Variants in CTNNAL1 observed in about 807,000 individuals in gnomAD.
CTNNAL1 encodes the protein alpha-catulin.
A neutral mutation model predicts 93.6 loss-of-function variants in CTNNAL1; 69 were observed. The observed-to-expected ratio is 0.74, with a 90% confidence interval of 0.61 to 0.90. The LOEUF (loss-of-function observed/expected upper bound fraction) is 0.90. CTNNAL1 is among the 40% of genes least tolerant of loss of function. The pLI, the probability that CTNNAL1 is intolerant of heterozygous loss-of-function variation, is 0.00. For synonymous variants in CTNNAL1, 286 were observed against 305.4 expected, an observed-to-expected ratio of 0.94 and a Z score of 0.66; for missense variants, 836 against 862.0, an observed-to-expected ratio of 0.97 and a Z score of 0.38.
chr9:109,010,586 TATC>T lies in CTNNAL1; in HGVS notation c.141+2713_141+2715del, dbSNP rs574655921. Among the ~76,000 whole-genome samples, 1,212 of 152,376 alleles carry T rather than the reference TATC, an allele frequency of 8.0e-3. 6 individuals carry two copies. The highest frequency in any genetic ancestry group is 0.027 in the South Asian group (131 of 4,830). On this transcript the variant is annotated intron_variant, in intron 1 of 18. Coordinates refer to ENST00000325551, the MANE Select transcript of CTNNAL1 (RefSeq NM_003798.4). Reference sequence around the variant, plus strand: ...TAACACTAGTTCCCTAAGTGCTTCTTATCATTATTAGAAGCTGAATTTAGTTGA... The same window carrying T: ...TAACACTAGTTCCCTAAGTGCTTCTTATTATTAGAAGCTGAATTTAGTTGA...
In CTNNAL1 at chr9:108,979,459, T is replaced by C; in HGVS notation, c.923A>G (p.Glu308Gly). ...CTCTTTGGACTGAAAATAAAGATTCTCCCGAAGAGCTTCAATATTCATCTG... is the reference window on the plus strand; with the variant it reads ...CTCTTTGGACTGAAAATAAAGATTCCCCCGAAGAGCTTCAATATTCATCTG... ...EFKMNIEALR[E>G]NLYFQSKENL... The change falls in exon 7 of 19, where the codon GAG becomes GGG. Residue 308 changes from glutamate to glycine, a missense_variant. By Grantham distance (98) the Glu-to-Gly change is moderately conservative. Coordinates refer to ENST00000325551, the MANE Select transcript of CTNNAL1 (RefSeq NM_003798.4). 1 of 1,614,036 alleles carries C rather than the reference T, an allele frequency of 6.2e-7. No homozygotes were observed. The highest frequency in any genetic ancestry group is 8.5e-7 in the Non-Finnish European group (1 of 1,179,970).
intron 8 of CTNNAL1, 32 bp from the exon 9 acceptor site, chr9:108,972,865 A>AGAAG: frequency 1.4e-5 from 3 of 219,282 alleles, no homozygotes; most frequent in Non-Finnish European, 1.9e-5. Context: ...GGGGGGTGGG[A>AGAAG]GGGTGGAGAA....
At chr9:108,980,180 T>A (rs560703385) in intron 6 of CTNNAL1, among the ~76,000 whole-genome samples, 1 of 152,330 alleles carries the variant, frequency 6.6e-6, no homozygotes, top group African/African-American at 2.4e-5. Flanking sequence ...CTTTATATAC[T>A]TCTCTAACAG....
intron 1 of CTNNAL1, among the ~76,000 whole-genome samples, chr9:109,004,258 G>A (rs529627126): frequency 1.4e-4 from 21 of 152,194 alleles, no homozygotes; most frequent in African/African-American, 4.3e-4. Context: ...TCTAGAGACC[G>A]TACTCCTAAA....
At chr9:109,007,993 A>G (rs1587998333) in intron 1 of CTNNAL1, among the ~76,000 whole-genome samples, 1 of 151,860 alleles carries the variant, frequency 6.6e-6, no homozygotes, top group Non-Finnish European at 1.5e-5. Flanking sequence ...ATCCCCATTG[A>G]TAATTATAGC....
At chr9:108,986,507 C>T (rs1436533155) in intron 4 of CTNNAL1, among the ~76,000 whole-genome samples, 2 of 151,640 alleles carry the variant, frequency 1.3e-5, no homozygotes, top group African/African-American at 2.4e-5. Context: ...TGTGTCTTTA[C>T]AGCAGCATGA....
At chr9:108,965,277 G>A in intron 11 of CTNNAL1, 101 bp downstream of exon 11, 1 of 990,344 alleles carries the variant, frequency 1.0e-6, no homozygotes, top group Non-Finnish European at 1.4e-6. Context: ...ACCCAGCTGG[G>A]TTACGACAAG....
intron 3 of CTNNAL1, among the ~76,000 whole-genome samples, 167 bp downstream of exon 3, chr9:108,992,465 G>A (rs1401335279): frequency 1.3e-5 from 2 of 150,874 alleles, no homozygotes; most frequent in African/African-American, 2.4e-5. Context: ...TGCATTCAAC[G>A]TACAGATGAT....
intron 12 of CTNNAL1, among the ~76,000 whole-genome samples, chr9:108,952,875 C>T (rs1448307377): frequency 6.6e-6 from 1 of 152,160 alleles, no homozygotes; most frequent in Non-Finnish European, 1.5e-5. Context: ...TCTTATAATG[C>T]TTGAATTATT....
intron 2 of CTNNAL1, among the ~76,000 whole-genome samples, chr9:108,997,029 A>G (rs111768270): frequency 2.6e-5 from 4 of 152,298 alleles, no homozygotes; most frequent in Non-Finnish European, 5.9e-5. Flanking sequence ...TTCACATCCT[A>G]TTTTAATAAG....
At chr9:108,978,202 T>C (rs1831319525) in intron 7 of CTNNAL1, among the ~76,000 whole-genome samples, 2 of 152,252 alleles carry the variant, frequency 1.3e-5, no homozygotes, top group Non-Finnish European at 2.9e-5. Context: ...CACTTCAGAT[T>C]GTGTATCACA....
At chr9:109,003,260 C>T (rs1258655855) in intron 1 of CTNNAL1, among the ~76,000 whole-genome samples, 2 of 152,214 alleles carry the variant, frequency 1.3e-5, no homozygotes, top group Non-Finnish European at 2.9e-5. Context: ...ATCAAAGAGA[C>T]TTGTGGGTGT....
At chr9:108,979,919 C>T (rs955031182) in intron 6 of CTNNAL1, among the ~76,000 whole-genome samples, 10 of 152,218 alleles carry the variant, frequency 6.6e-5, no homozygotes, top group Non-Finnish European at 1.2e-4. Flanking sequence ...GTGAGAAGCA[C>T]TGGGGAAGAC....
rs754173959 is a variant in CTNNAL1 at position 108,979,284 on chromosome 9, T to C, written c.1098A>G (p.Gln366=). The C allele has an allele frequency of 1.2e-6, 2 of 1,614,108 alleles. No homozygotes were observed. Among genetic ancestry groups the C allele is most frequent in the South Asian group, 2.2e-5 (2 of 91,072 alleles). The part of the protein sequence containing the change: ...ELQQLISVWI[Q]AQSKKTKSIA... ...TGATTTTAAAAAAAGTTCTTACAGC[T>C]TGAATCCACACAGAAATTAACTGCT... The change falls in exon 7 of 19, where the codon CAA becomes CAG. Residue 366 remains glutamine, a synonymous_variant. Coordinates refer to ENST00000325551, the MANE Select transcript of CTNNAL1 (RefSeq NM_003798.4).
intron 1 of CTNNAL1, among the ~76,000 whole-genome samples, chr9:109,011,562 T>G (rs561294211): frequency 1.3e-5 from 2 of 152,348 alleles, no homozygotes; most frequent in African/African-American, 2.4e-5. Context: ...TTTCTCCAGA[T>G]TATGACTTTC....
intron 6 of CTNNAL1, 41 bp from the exon 7 acceptor site, chr9:108,979,522 T>C (rs768652434): frequency 1.3e-6 from 2 of 1,592,450 alleles, no homozygotes; most frequent in South Asian, 1.1e-5. Flanking sequence ...TGTGAGTCAA[T>C]ATTCCCACCT....
intron 15 of CTNNAL1, among the ~76,000 whole-genome samples, chr9:108,947,940 C>A (rs1447033351): frequency 6.6e-6 from 1 of 152,194 alleles, no homozygotes; most frequent in Admixed American, 6.5e-5. Flanking sequence ...CATCTATTGA[C>A]TACCAACAAA....
rs1368545095 is a variant in CTNNAL1, at chr9:108,983,215, G to T, written c.830C>A (p.Thr277Asn). 6.3e-7 allele frequency: 1 copy of T among 1,593,074 alleles called. No individual in the cohort carries two copies. Among genetic ancestry groups the T allele is most frequent in the African/African-American group, 1.4e-5 (1 of 73,944 alleles). ...AGTCTCTCCATTCGGTTTACAGTCA[G>T]TCACAATTTCAATGACCTTATCCAA... Reference protein sequence around the residue: ...VALDKVIEIVTDCKPNGETDI... With the variant: ...VALDKVIEIVNDCKPNGETDI... Residue 277 changes from threonine (T) to asparagine (N), a missense_variant, in exon 6 of 19, where the codon ACT becomes AAT. Physicochemically the swap from Thr to Asn is moderately conservative, Grantham distance 65. Transcript: ENST00000325551.
At chr9:108,947,104 G>T (rs1325118666) in intron 15 of CTNNAL1, among the ~76,000 whole-genome samples, 1 of 147,972 alleles carries the variant, frequency 6.8e-6, no homozygotes, top group Non-Finnish European at 1.5e-5. Context: ...TAAAGTGATA[G>T]AAATTTCTTT....
Sources: allele counts gnomAD v4.1 joint callset (sites outside exome capture counted in the v4.1 genomes callset), GRCh38; gene constraint gnomAD v4.1.1; transcripts MANE v1.5; gene names NCBI Gene and HGNC (gene_info 2026-07-23, HGNC 2026-07-21).